The following CHST15 variants were observed in gnomAD, a reference collection of about 807,000 sequenced individuals.
CHST15 encodes the protein B cell RAG associated protein (GALNAC4S-6ST).
CHST15 carries 30 observed loss-of-function variants against 53.6 expected under a neutral mutation model. That is an observed-to-expected ratio of 0.56 (90% confidence interval 0.42 to 0.76). The LOEUF is 0.76. Ranked by LOEUF, CHST15 falls within the 30% of genes least tolerant of loss-of-function variation. The probability of loss-of-function intolerance (pLI) is 0.00; values close to 1 mark genes in which losing one functional copy is unlikely to be tolerated. For missense variants in CHST15, 627 were observed against 740.5 expected, an observed-to-expected ratio of 0.85 and a Z score of 1.78; for synonymous variants, 296 against 289.8, an observed-to-expected ratio of 1.02 and a Z score of -0.22.
rs367894077 is a variant in CHST15, at chr10:124,045,856, G to A, written c.357C>T (p.Asn119=). Residue 119 remains asparagine (N), a synonymous_variant, in exon 2 of 8, where the codon AAC becomes AAT. Coordinates refer to ENST00000435907, the MANE Select transcript of CHST15 (RefSeq NM_001270764.2). Reference sequence around the variant, plus strand: ...GGTTTTCGCTGTCCATCAAGCTGGGGTTGCTGGGGAAGCCTCCGTAATGGA... The same window carrying A: ...GGTTTTCGCTGTCCATCAAGCTGGGATTGCTGGGGAAGCCTCCGTAATGGA... ...SPFHYGGFPS[N]PSLMDSENPS... is the part of the protein sequence containing the mutation. 4.3e-6 allele frequency: 7 copies of A among 1,613,868 alleles called. No individual in the cohort carries two copies. The African/African-American group carries it at 9.4e-5, about 22-fold the overall frequency.
At chr10:124,044,057 G>C (rs1947850627) in intron 3 of CHST15, among the ~76,000 whole-genome samples, 1 of 150,484 alleles carries the variant, frequency 6.6e-6, no homozygotes, top group African/African-American at 2.5e-5. Context: ...GAACAGCACA[G>C]AGCAGGGGAA....
chr10:124,045,134 A>AAAC (rs1564882339), intron 2 of CHST15, among the ~76,000 whole-genome samples: 18 of 147,544 alleles, frequency 1.2e-4, no homozygotes, highest in South Asian at 4.2e-4. Context: ...AAAAAAAAAA[A>AAAC]AAAAAAAAAA....
intron 6 of CHST15, chr10:124,020,176 A>C (rs575211661): frequency 1.0e-6 from 1 of 985,570 alleles, no homozygotes; most frequent in Non-Finnish European, 1.2e-6. Flanking sequence ...GCAGGAATGC[A>C]AGACAGACCC....
In CHST15 at chr10:124,038,847, C is replaced by A. The variant is rs533446277; in HGVS notation, c.1034-176G>T. Among the ~76,000 whole-genome samples, 21 of 151,838 alleles carry A rather than the reference C, an allele frequency of 1.4e-4. No homozygotes were observed. In the East Asian group the frequency reaches 3.3e-3, roughly 24 times the overall value. Reference sequence around the variant, plus strand: ...CCAAAGAGAGAAGGTTGGATGCCCCCCCCTGCCACAGCCACACCCCACCTC... The same window carrying A: ...CCAAAGAGAGAAGGTTGGATGCCCCACCCTGCCACAGCCACACCCCACCTC... On this transcript the variant is annotated intron_variant, in intron 4 of 7. Transcript: ENST00000435907.
Position 124,087,688 on chromosome 10 carries a change from C to T in CHST15, c.-513+5781G>A, listed in dbSNP as rs114604435. On this transcript the variant is annotated intron_variant, in intron 1 of 7. Transcript: ENST00000435907. ...ATGTAAAATAGGCATCAGGGAGAGC[C>T]TGCCGAAGCCAGGAGCCCCCACCCC... Among the ~76,000 whole-genome samples, 821 of 152,308 alleles carry T rather than the reference C, an allele frequency of 5.4e-3. 5 individuals carry two copies. The highest frequency in any genetic ancestry group is 0.019 in the African/African-American group (779 of 41,556).
intron 1 of CHST15, among the ~76,000 whole-genome samples, chr10:124,048,817 G>A (rs1031267768): frequency 6.6e-6 from 1 of 152,130 alleles, no homozygotes; most frequent in Admixed American, 6.5e-5. Context: ...CTCCAAGATA[G>A]GAATGTACAT....
At chr10:124,065,678 G>A (rs1001686816) in intron 1 of CHST15, among the ~76,000 whole-genome samples, 14 of 152,148 alleles carry the variant, frequency 9.2e-5, no homozygotes, top group African/African-American at 3.4e-4. Context: ...AACCTCAAGA[G>A]CCCCTTCCTG....
intron 5 of CHST15, among the ~76,000 whole-genome samples, chr10:124,034,376 G>A (rs1049878276): frequency 1.3e-5 from 2 of 152,112 alleles, no homozygotes; most frequent in Non-Finnish European, 2.9e-5. Flanking sequence ...AGAGAGAAGA[G>A]TTTGGCAGGT....
chr10:124,047,217 C>T (rs957599450), intron 1 of CHST15, among the ~76,000 whole-genome samples: 3 of 152,220 alleles, frequency 2.0e-5, no homozygotes, highest in African/African-American at 7.2e-5. Flanking sequence ...TTCCCTCTCA[C>T]TGGCATCAGC....
Position 124,008,357 on chromosome 10 carries a change from A to ACACACACG in CHST15, c.*1791_*1792insCGTGTGTG, listed in dbSNP as rs1027586469. On this transcript the variant is annotated 3_prime_UTR_variant, in exon 8 of 8. Coordinates refer to ENST00000435907, the MANE Select transcript of CHST15 (RefSeq NM_001270764.2). ...CACACGTGCGCGTACACACACACAC[A>ACACACACG]CGCGCGCACTGTACTGCAAATAAAT... 41 of 1,017,620 alleles carry ACACACACG rather than the reference A, an allele frequency of 4.0e-5. No homozygotes were observed. In the East Asian group the frequency reaches 7.0e-4, roughly 17 times the overall value. The allele number at this position is 1,017,620 out of a possible 1,614,324, so 63.0% of individuals were successfully genotyped here. A position where few individuals can be genotyped will look rare whatever the true frequency, so the allele number is the denominator to read the frequency against.
At chr10:124,055,590 C>T (rs1323399802) in intron 1 of CHST15, among the ~76,000 whole-genome samples, 2 of 152,208 alleles carry the variant, frequency 1.3e-5, no homozygotes, top group Non-Finnish European at 2.9e-5. Context: ...CCAAGTTCTA[C>T]AGTAGAACAA....
At chr10:124,031,259 C>T (rs765082631) in intron 5 of CHST15, among the ~76,000 whole-genome samples, 14 of 152,356 alleles carry the variant, frequency 9.2e-5, no homozygotes, top group Admixed American at 2.0e-4. Context: ...GGATTTTCCT[C>T]TCCTATGTAC....
At chr10:124,085,598 G>C (rs546296316) in intron 1 of CHST15, among the ~76,000 whole-genome samples, 1 of 152,328 alleles carries the variant, frequency 6.6e-6, no homozygotes, top group African/African-American at 2.4e-5. Flanking sequence ...GCCACTAAGT[G>C]AGAGTCCAGC....
At position 124,012,412 on chromosome 10, in the gene CHST15, C is replaced by T; in HGVS notation, c.1416G>A (p.Gln472=). ...GATCTTCCAGGCGAAGAATGAGAAA[C>T]TGTTGCTTGTCAAAAACGCTGAGCC... ...LDWLSVFDKQ[Q]FLILRLEDHA... is the part of the protein sequence containing the mutation. Residue 472 remains glutamine (Q), a synonymous_variant, in exon 7 of 8, where the codon CAG becomes CAA. Coordinates refer to ENST00000435907, the MANE Select transcript of CHST15 (RefSeq NM_001270764.2). 6.2e-7 allele frequency: 1 copy of T among 1,614,174 alleles called. No individual in the cohort carries two copies. Among genetic ancestry groups the T allele is most frequent in the South Asian group, 1.1e-5 (1 of 91,078 alleles).
chr10:124,047,596 A>AGTTT (rs1157013830), intron 1 of CHST15, among the ~76,000 whole-genome samples: 17 of 152,228 alleles, frequency 1.1e-4, no homozygotes, highest in Non-Finnish European at 2.2e-4. Flanking sequence ...GTAGATCACC[A>AGTTT]CTAATTGGCT....
intron 1 of CHST15, among the ~76,000 whole-genome samples, chr10:124,081,251 C>A (rs1046312846): frequency 2.6e-5 from 4 of 152,232 alleles, no homozygotes; most frequent in Non-Finnish European, 5.9e-5. Context: ...CATAGGAGAA[C>A]TGGAAATTCT....
intron 1 of CHST15, among the ~76,000 whole-genome samples, chr10:124,073,889 C>G (rs1226894352): frequency 6.6e-6 from 1 of 152,192 alleles, no homozygotes; most frequent in Non-Finnish European, 1.5e-5. Context: ...GTTGCCAGGT[C>G]TGATGGGTTT....
At chr10:124,030,548 G>C (rs566928371) in intron 5 of CHST15, among the ~76,000 whole-genome samples, 3 of 152,306 alleles carry the variant, frequency 2.0e-5, no homozygotes, top group East Asian at 3.9e-4. Context: ...CATCCCCACG[G>C]CTTTCTCCTC....
At chr10:124,051,503 C>T (rs776906709) in intron 1 of CHST15, among the ~76,000 whole-genome samples, 18 of 152,168 alleles carry the variant, frequency 1.2e-4, no homozygotes, top group Admixed American at 2.6e-4. Flanking sequence ...GCCCCCTGCA[C>T]TTCACCTGTC....
Sources: gnomAD v4.1 joint callset for allele counts (sites outside exome capture counted in the v4.1 genomes callset) on GRCh38, gnomAD v4.1.1 for gene constraint, MANE v1.5 for transcripts, NCBI Gene and HGNC (gene_info 2026-07-23, HGNC 2026-07-21) for gene names.